Variants in SHISAL1 observed in about 807,000 individuals in gnomAD.
SHISAL1 encodes shisa like 1.
SHISAL1 carries 9 observed loss-of-function variants against 22.6 expected under a neutral mutation model. The observed-to-expected ratio is 0.40, with a 90% CI of 0.24 to 0.70. SHISAL1 has a LOEUF of 0.70. SHISAL1 is among the 30% of genes least tolerant of loss of function. SHISAL1 has a pLI of 0.39. For missense variants in SHISAL1, 246 were observed against 270.6 expected, an observed-to-expected ratio of 0.91 and a Z score of 0.64; for synonymous variants, 119 against 115.4, an observed-to-expected ratio of 1.03 and a Z score of -0.20.
intron 4 of SHISAL1, among the ~76,000 whole-genome samples, chr22:44,276,352 G>A (rs1290991291): frequency 3.3e-5 from 5 of 152,182 alleles, no homozygotes; most frequent in African/African-American, 4.8e-5. Flanking sequence ...GGACAGTGGG[G>A]TGCGGTGGAG....
intron 1 of SHISAL1, among the ~76,000 whole-genome samples, chr22:44,304,310 C>A (rs1313241476): frequency 6.6e-6 from 1 of 152,190 alleles, no homozygotes; most frequent in Admixed American, 6.5e-5. Context: ...CAAGGCCAAA[C>A]GCACAGTGCT....
chr22:44,266,532 GTGTGTGT>G (rs2055164696), intron 4 of SHISAL1, among the ~76,000 whole-genome samples: 1 of 143,782 alleles, frequency 7.0e-6, no homozygotes, highest in African/African-American at 2.8e-5. Context: ...TGGGGTATGT[GTGTGTGT>G]GTGTGTGTGT....
At chr22:44,311,224 C>A (rs150543709) in intron 1 of SHISAL1, among the ~76,000 whole-genome samples, 1 of 152,304 alleles carries the variant, frequency 6.6e-6, no homozygotes, top group Non-Finnish European at 1.5e-5. Context: ...GTCTCCCTAC[C>A]AGGCGGGCAT....
chr22:44,248,106 A>C lies in SHISAL1; in HGVS notation c.*1579T>G, dbSNP rs1039112494. The C allele has an allele frequency of 6.7e-6, 1 of 150,360 alleles. No individual in the cohort carries two copies. Among genetic ancestry groups the C allele is most frequent in the Non-Finnish European group, 1.5e-5 (1 of 68,020 alleles). 9.3% of individuals were successfully genotyped at this position (150,360 alleles called of 1,614,324 possible). On this transcript the variant is annotated 3_prime_UTR_variant, in exon 5 of 5. Transcript: ENST00000381176. ...AGGGTCTCACTCACGTGTCCCTCGA[A>C]CTGAGTTCCTGGCACTGAGTTCCCG...
upstream of SHISAL1, among the ~76,000 whole-genome samples, chr22:44,314,483 G>A (rs187522183): frequency 1.5e-4 from 23 of 152,234 alleles, no homozygotes; most frequent in East Asian, 1.2e-3. Flanking sequence ...GTATGGGTCC[G>A]CCAATGACAT....
intron 3 of SHISAL1, among the ~76,000 whole-genome samples, chr22:44,289,109 C>T (rs912229609): frequency 6.6e-6 from 1 of 152,186 alleles, no homozygotes; most frequent in Non-Finnish European, 1.5e-5. Context: ...AAAACACTGG[C>T]AATTGTTATG....
At position 44,263,067 on chromosome 22, in the gene SHISAL1, T is replaced by TTTTCTTTC. The variant is rs1555925939; in HGVS notation, c.*-13390_*-13383dup. Among the ~76,000 whole-genome samples the TTTTCTTTC allele has an allele frequency of 1.2e-3, 146 of 120,074 alleles. 4 individuals carry two copies. The highest frequency in any genetic ancestry group is 1.8e-3 in the African/African-American group (58 of 32,362). 78.8% of individuals were successfully genotyped at this position (120,074 alleles called of 152,430 possible). ...TGGGGCTGGGAGCCTTCACGTATTT[T>TTTTCTTTC]TTTCTTTCTTTCTTTTTTTTTTTTT... On this transcript the variant is annotated intron_variant, in intron 4 of 4. Transcript: ENST00000381176.
intron 1 of SHISAL1, among the ~76,000 whole-genome samples, chr22:44,311,822 A>G (rs1275128384): frequency 6.6e-6 from 1 of 152,222 alleles, no homozygotes; most frequent in Non-Finnish European, 1.5e-5. Flanking sequence ...GGCCGAGACA[A>G]TCATGGGCCT....
intron 4 of SHISAL1, among the ~76,000 whole-genome samples, chr22:44,256,348 C>G (rs2055085074): frequency 2.0e-5 from 3 of 152,336 alleles, no homozygotes; most frequent in Middle Eastern, 3.4e-3. Context: ...CATTGGCTCC[C>G]CTGGGTCTCC....
rs2055002734 is a variant in SHISAL1, at chr22:44,246,530, G to A, written c.*3155C>T. 1 of 152,148 alleles carries A rather than the reference G, an allele frequency of 6.6e-6. No individual in the cohort carries two copies. Among genetic ancestry groups the A allele is most frequent in the Non-Finnish European group, 1.5e-5 (1 of 68,090 alleles). 9.4% of individuals were successfully genotyped at this position (152,148 alleles called of 1,614,324 possible). A position where few individuals can be genotyped will look rare whatever the true frequency, so the allele number is the denominator to read the frequency against. ...TACCCTGCATCCATCTTGTTCTCAG[G>A]GACAGTCTACTCCTTGAGGGACCTT... On this transcript the variant is annotated 3_prime_UTR_variant, in exon 5 of 5. Transcript: ENST00000381176.
At chr22:44,283,687 CA>C (rs930661365) in intron 4 of SHISAL1, among the ~76,000 whole-genome samples, 1 of 152,126 alleles carries the variant, frequency 6.6e-6, no homozygotes, top group African/African-American at 2.4e-5. Flanking sequence ...AATGTATGTG[CA>C]TGCAAAAGGT....
At position 44,245,180 on chromosome 22, in the gene SHISAL1, C is replaced by T. The variant is rs1263804240; in HGVS notation, c.*4505G>A. On this transcript the variant is annotated 3_prime_UTR_variant, in exon 5 of 5. Coordinates refer to ENST00000381176, the MANE Select transcript of SHISAL1 (RefSeq NM_001099294.2). ...GATTAAGAATTCCTGCAGTTTGCTT[C>T]CATGATTCCAACCCTAGATTTTCAC... The T allele has an allele frequency of 6.6e-6, 1 of 152,376 alleles. No individual in the cohort carries two copies. The highest frequency in any genetic ancestry group is 1.5e-5 in the Non-Finnish European group (1 of 68,044). The allele number at this position is 152,376 out of a possible 1,614,324, so 9.4% of individuals were successfully genotyped here. A position where few individuals can be genotyped will look rare whatever the true frequency, so the allele number is the denominator to read the frequency against.
At chr22:44,317,000 C>T (rs1235406799), upstream of SHISAL1, among the ~76,000 whole-genome samples, 1 of 152,184 alleles carries the variant, frequency 6.6e-6, no homozygotes, top group Non-Finnish European at 1.5e-5. Context: ...TTAGGCCAAT[C>T]AACTTCAAAA....
At position 44,249,517 on chromosome 22, in the gene SHISAL1, T is replaced by G; in HGVS notation, c.*168A>C. ...CCCCTACCCCTGAGTTTGCTCCTAA[T>G]CTTAGAAGTCCGCGGAAGGGGGCTT... On this transcript the variant is annotated 3_prime_UTR_variant, in exon 5 of 5. Coordinates refer to ENST00000381176, the MANE Select transcript of SHISAL1 (RefSeq NM_001099294.2). 1 of 488,572 alleles carries G rather than the reference T, an allele frequency of 2.0e-6. No individual in the cohort carries two copies. The highest frequency in any genetic ancestry group is 3.6e-5 in the East Asian group (1 of 27,792). The allele number at this position is 488,572 out of a possible 1,614,324, so 30.3% of individuals were successfully genotyped here.
the SHISAL1 span, among the ~76,000 whole-genome samples, chr22:44,321,870 TC>T: frequency 6.6e-6 from 1 of 152,036 alleles, no homozygotes; most frequent in African/African-American, 2.4e-5. Flanking sequence ...GGCCGGCCCT[TC>T]GGAGCACTCT....
chr22:44,256,323 C>A (rs759055486), intron 4 of SHISAL1, among the ~76,000 whole-genome samples: 7 of 151,352 alleles, frequency 4.6e-5, no homozygotes, highest in Non-Finnish European at 8.8e-5. Flanking sequence ...CCTCGACTCA[C>A]ACTGGAACTC....
At position 44,249,713 on chromosome 22, in the gene SHISAL1, TCA is replaced by T. The variant is rs762248611; in HGVS notation, c.*-30_*-29del. ...GGAGGAAATACAAGGAAAAAAAGTA[TCA>T]CATGGTGTCTCCTCCATGGGGACAT... On this transcript the variant is annotated intron_variant, in intron 4 of 4. Transcript: ENST00000381176. 218 of 777,676 alleles carry T rather than the reference TCA, an allele frequency of 2.8e-4. No homozygotes were observed. In the East Asian group the frequency reaches 5.2e-3, roughly 19 times the overall value. 48.2% of individuals were successfully genotyped at this position (777,676 alleles called of 1,614,324 possible). A position where few individuals can be genotyped will look rare whatever the true frequency, so the allele number is the denominator to read the frequency against.
upstream of SHISAL1, among the ~76,000 whole-genome samples, chr22:44,315,642 C>T (rs78638958): frequency 4.7e-4 from 72 of 152,284 alleles, no homozygotes; most frequent in African/African-American, 1.7e-3. Flanking sequence ...GCTGGTGGCC[C>T]CATGTCACCT....
chr22:44,326,599 T>G, the SHISAL1 span, among the ~76,000 whole-genome samples: 2 of 152,174 alleles, frequency 1.3e-5, no homozygotes, highest in African/African-American at 4.8e-5. Context: ...TTTGGGAAAC[T>G]CATGCATTAT....
Sources: gnomAD v4.1 joint callset for allele counts (sites outside exome capture counted in the v4.1 genomes callset) on GRCh38, gnomAD v4.1.1 for gene constraint, MANE v1.5 for transcripts, NCBI Gene and HGNC (gene_info 2026-07-23, HGNC 2026-07-21) for gene names.